The following SAMD12 variants were observed in gnomAD, a reference collection of about 807,000 sequenced individuals.
The protein encoded by SAMD12 is sterile alpha motif domain-containing protein 12.
SAMD12 carries 9 observed loss-of-function variants against 15.0 expected under a neutral mutation model. The observed-to-expected ratio is 0.60, with a 90% CI of 0.36 to 1.05. The LOEUF (loss-of-function observed/expected upper bound fraction) is 1.05, where lower values mean the gene tolerates loss of function less well. SAMD12 is among the 50% of genes least tolerant of loss of function. SAMD12 has a pLI of 0.01. For synonymous variants in SAMD12, 86 were observed against 90.1 expected, an observed-to-expected ratio of 0.96 and a Z score of 0.25; for missense variants, 230 against 234.2, an observed-to-expected ratio of 0.98 and a Z score of 0.12.
intron 2 of SAMD12, among the ~76,000 whole-genome samples, chr8:118,570,472 G>T (rs565555696): frequency 6.6e-6 from 1 of 152,064 alleles, no homozygotes; most frequent in African/African-American, 2.4e-5. Context: ...TTGGTTTTCT[G>T]TTCCTGTGTT....
intron 2 of SAMD12, among the ~76,000 whole-genome samples, chr8:118,574,878 G>C (rs571115277): frequency 6.6e-6 from 1 of 152,282 alleles, no homozygotes; most frequent in African/African-American, 2.4e-5. Context: ...TTTGCTCCTT[G>C]AGCCAACAAA....
At chr8:118,133,981 A>C in the SAMD12 span, among the ~76,000 whole-genome samples, 1 of 152,236 alleles carries the variant, frequency 6.6e-6, no homozygotes, top group African/African-American at 2.4e-5. Flanking sequence ...TTATCCCCTT[A>C]AATAGCGGAG....
At chr8:118,566,960 G>A (rs935387314) in intron 2 of SAMD12, among the ~76,000 whole-genome samples, 10 of 152,216 alleles carry the variant, frequency 6.6e-5, no homozygotes, top group African/African-American at 2.4e-4. Flanking sequence ...TTGAATCCTG[G>A]GCTAAAAATA....
intron 1 of SAMD12, among the ~76,000 whole-genome samples, chr8:118,600,977 G>A (rs377161427): frequency 6.6e-6 from 1 of 152,034 alleles, no homozygotes; most frequent in East Asian, 1.9e-4. Flanking sequence ...TCACAGACAT[G>A]CATTATCAGA....
At chr8:118,269,032 T>C (rs1168239407) in intron 4 of SAMD12, among the ~76,000 whole-genome samples, 1 of 152,076 alleles carries the variant, frequency 6.6e-6, no homozygotes, top group East Asian at 1.9e-4. Context: ...GATCTGATTG[T>C]TTCTCAAACT....
chr8:118,580,359 C>T (rs1009369792), intron 2 of SAMD12, among the ~76,000 whole-genome samples: 3 of 152,054 alleles, frequency 2.0e-5, no homozygotes, highest in African/African-American at 7.2e-5. Context: ...TTTTATGATT[C>T]CCTTGTGTAG....
At chr8:118,507,714 T>C (rs1311052154) in intron 2 of SAMD12, among the ~76,000 whole-genome samples, 1 of 152,222 alleles carries the variant, frequency 6.6e-6, no homozygotes, top group East Asian at 1.9e-4. Context: ...TCCATTTATA[T>C]GCAGATTTGT....
chr8:118,181,727 C>A, the SAMD12 span, among the ~76,000 whole-genome samples: 4 of 152,196 alleles, frequency 2.6e-5, no homozygotes. Flanking sequence ...CTTTCTCTTT[C>A]TGTCTCTCTG....
At chr8:118,491,071 T>C (rs2131014664) in intron 2 of SAMD12, among the ~76,000 whole-genome samples, 1 of 152,248 alleles carries the variant, frequency 6.6e-6, no homozygotes, top group Non-Finnish European at 1.5e-5. Context: ...GGAATGAACA[T>C]GACTATACCC....
intron 2 of SAMD12, among the ~76,000 whole-genome samples, chr8:118,559,041 A>G (rs1826631406): frequency 6.6e-6 from 1 of 152,208 alleles, no homozygotes; most frequent in Non-Finnish European, 1.5e-5. Context: ...AGAGATATTT[A>G]ATGATTCTAT....
At chr8:118,453,853 CTT>C (rs371777513) in intron 2 of SAMD12, among the ~76,000 whole-genome samples, 410 of 152,112 alleles carry the variant, frequency 2.7e-3, no homozygotes, top group Non-Finnish European at 4.7e-3. Context: ...TTCTTTTTCT[CTT>C]GTTTTGTTGG....
chr8:118,152,048 G>A, the SAMD12 span, among the ~76,000 whole-genome samples: 1 of 152,044 alleles, frequency 6.6e-6, no homozygotes, highest in African/African-American at 2.4e-5. Context: ...CAGATATAAA[G>A]AGCATGTCCA....
At chr8:118,180,432 C>T in the SAMD12 span, among the ~76,000 whole-genome samples, 23 of 152,180 alleles carry the variant, frequency 1.5e-4, no homozygotes, top group African/African-American at 3.6e-4. Flanking sequence ...ATTCCTGCCC[C>T]CAACCCGCTG....
downstream of SAMD12, among the ~76,000 whole-genome samples, chr8:118,185,551 C>A (rs1480982732): frequency 6.6e-6 from 1 of 152,174 alleles, no homozygotes; most frequent in African/African-American, 2.4e-5. Flanking sequence ...CAAGTTGCTG[C>A]AAAATAATTA....
rs555672334 is a variant in SAMD12 at position 118,335,784 on chromosome 8, C to A, written c.433+43776G>T. The stretch of plus-strand genomic sequence containing the variant: ...TATTTTGTTTTGGGACAGGGTCACC[C>A]AGGCTAGAGTGCAGTGGCATGATCA... On this transcript the variant is annotated intron_variant, in intron 4 of 4. Transcript: ENST00000409003. Among the ~76,000 whole-genome samples, 47 of 152,278 alleles carry A rather than the reference C, an allele frequency of 3.1e-4. No individual in the cohort carries two copies. In the South Asian group the frequency reaches 9.7e-3, roughly 32 times the overall value.
At chr8:118,148,086 C>A in the SAMD12 span, among the ~76,000 whole-genome samples, 6 of 151,726 alleles carry the variant, frequency 4.0e-5, no homozygotes, top group Admixed American at 3.9e-4. Flanking sequence ...CACCACCATG[C>A]CCGGCTAATT....
At chr8:118,595,896 T>C (rs1375840358) in intron 1 of SAMD12, among the ~76,000 whole-genome samples, 1 of 152,240 alleles carries the variant, frequency 6.6e-6, no homozygotes, top group Non-Finnish European at 1.5e-5. Flanking sequence ...ACATTAGTGT[T>C]TGATAAATAT....
At chr8:118,541,114 G>T (rs1244621907) in intron 2 of SAMD12, among the ~76,000 whole-genome samples, 1 of 152,092 alleles carries the variant, frequency 6.6e-6, no homozygotes, top group African/African-American at 2.4e-5. Context: ...GTACTATATT[G>T]TACCTATATT....
intron 2 of SAMD12, among the ~76,000 whole-genome samples, chr8:118,503,759 A>T (rs1010753588): frequency 6.6e-6 from 1 of 152,126 alleles, no homozygotes; most frequent in African/African-American, 2.4e-5. Flanking sequence ...TGTTAGAACC[A>T]CCACCTCTTT....
Sources: gnomAD v4.1 joint callset for allele counts (sites outside exome capture counted in the v4.1 genomes callset) on GRCh38, gnomAD v4.1.1 for gene constraint, MANE v1.5 for transcripts, NCBI Gene and HGNC (gene_info 2026-07-23, HGNC 2026-07-21) for gene names.